Variants in ACACA observed in about 807,000 individuals in gnomAD.
ACACA encodes acetyl-CoA carboxylase alpha.
ACACA carries 103 observed loss-of-function variants against 296.1 expected under a neutral mutation model. That is an observed-to-expected ratio of 0.35 (90% CI 0.30 to 0.41). The LOEUF (loss-of-function observed/expected upper bound fraction) is 0.41, where lower values mean the gene tolerates loss of function less well. Among genes scored for constraint, ACACA ranks in the 10% least tolerant of loss-of-function variants. The pLI is 1.00. For synonymous variants in ACACA, 953 were observed against 1,038.6 expected (o/e 0.92, Z 1.58); for missense variants, 1,554 against 2,989.7 (o/e 0.52, Z 11.20).
At chr17:37,398,342 A>G (rs1355555650) in intron 1 of ACACA, among the ~76,000 whole-genome samples, 1 of 130,506 alleles carries the variant, frequency 7.7e-6, no homozygotes, top group African/African-American at 2.9e-5. Context: ...GCTGGAACGC[A>G]ACGGTGCAAT....
At chr17:37,401,551 G>C (rs2051291519) in intron 1 of ACACA, among the ~76,000 whole-genome samples, 2 of 128,228 alleles carry the variant, frequency 1.6e-5, no homozygotes, top group African/African-American at 6.1e-5. Context: ...TCCGTAGGTT[G>C]TCTCTTTACC....
intron 29 of ACACA, among the ~76,000 whole-genome samples, chr17:37,212,621 A>G (rs1170029018): frequency 1.3e-5 from 2 of 152,052 alleles, no homozygotes; most frequent in Non-Finnish European, 2.9e-5. Flanking sequence ...TCATGTCCAT[A>G]ATGATCATTT....
chr17:37,354,869 A>G (rs1220550950), intron 1 of ACACA, among the ~76,000 whole-genome samples: 3 of 152,182 alleles, frequency 2.0e-5, no homozygotes, highest in Non-Finnish European at 4.4e-5. Flanking sequence ...TGAGGCTGCA[A>G]TGAGCAATGA....
intron 25 of ACACA, among the ~76,000 whole-genome samples, chr17:37,227,360 A>C (rs2079585256): frequency 6.6e-6 from 1 of 152,124 alleles, no homozygotes; most frequent in African/African-American, 2.4e-5. Flanking sequence ...GTAATTATTA[A>C]CACCACACCA....
At chr17:37,296,022 C>G (rs987763864) in intron 3 of ACACA, among the ~76,000 whole-genome samples, 1 of 152,290 alleles carries the variant, frequency 6.6e-6, no homozygotes, top group African/African-American at 2.4e-5. Context: ...ACTCAAGGGT[C>G]TGGTTACAGA....
At chr17:37,289,629 T>C (rs1023551259) in intron 3 of ACACA, 13 of 592,130 alleles carry the variant, frequency 2.2e-5, no homozygotes, top group Non-Finnish European at 4.0e-5. Flanking sequence ...ACCTAACCAA[T>C]ACCATGTGCT....
intron 50 of ACACA, among the ~76,000 whole-genome samples, chr17:37,119,589 AACACACAC>A (rs71368443): frequency 0.034 from 4,395 of 128,344 alleles, 95 homozygotes; most frequent in East Asian, 0.066. Context: ...TTTTCAACCA[AACACACAC>A]ACACACACAC....
chr17:37,384,940 G>C (rs2050461171), intron 1 of ACACA, among the ~76,000 whole-genome samples: 1 of 152,144 alleles, frequency 6.6e-6, no homozygotes, highest in Non-Finnish European at 1.5e-5. Context: ...AATGATATGA[G>C]ACCACTAAAA....
chr17:37,227,546 T>C (rs964761957), intron 25 of ACACA, among the ~76,000 whole-genome samples: 2 of 151,980 alleles, frequency 1.3e-5, no homozygotes, highest in African/African-American at 4.8e-5. Flanking sequence ...ACCCCATCTC[T>C]AAAAATAAAA....
rs563020788 is a variant in ACACA at position 37,334,859 on chromosome 17, AC to A, written c.86-4435del. Among the ~76,000 whole-genome samples the A allele has an allele frequency of 1.2e-4, 18 of 151,946 alleles. No individual in the cohort carries two copies. The East Asian group carries it at 3.5e-3, about 29-fold the overall frequency. ...ATTGTATAGGAGTTTATCTAAGGGAACCCCCACCTTCACTGCCCACACCCAT... is the reference window on the plus strand; with the variant it reads ...ATTGTATAGGAGTTTATCTAAGGGAACCCCACCTTCACTGCCCACACCCAT... On this transcript the variant is annotated intron_variant, in intron 2 of 55. Transcript: ENST00000616317.
At chr17:37,266,450 T>C (rs1477382151) in intron 10 of ACACA, among the ~76,000 whole-genome samples, 2 of 151,494 alleles carry the variant, frequency 1.3e-5, no homozygotes, top group Non-Finnish European at 2.9e-5. Flanking sequence ...TAGAAGCATG[T>C]TTCCAGCTGA....
chr17:37,264,215 C>T (rs1028920067), intron 10 of ACACA, among the ~76,000 whole-genome samples: 1 of 152,194 alleles, frequency 6.6e-6, no homozygotes, highest in Non-Finnish European at 1.5e-5. Context: ...ATACTGCCAT[C>T]CTGTACTCTG....
chr17:37,126,130 C>T (rs909798604), intron 47 of ACACA, among the ~76,000 whole-genome samples: 1 of 152,202 alleles, frequency 6.6e-6, no homozygotes, highest in African/African-American at 2.4e-5. Context: ...TGTCAAAAGG[C>T]TGCCAAGTCA....
At chr17:37,293,043 T>A (rs189791849) in intron 3 of ACACA, among the ~76,000 whole-genome samples, 25 of 151,216 alleles carry the variant, frequency 1.7e-4, no homozygotes, top group Admixed American at 1.6e-3. Context: ...TGCCGACACA[T>A]TTTTTTTTAC....
intron 16 of ACACA, among the ~76,000 whole-genome samples, chr17:37,250,941 G>A (rs2080961584): frequency 6.6e-6 from 1 of 151,568 alleles, no homozygotes; most frequent in Non-Finnish European, 1.5e-5. Flanking sequence ...GCAGGAGAAT[G>A]GCGTGAACCC....
intron 45 of ACACA, among the ~76,000 whole-genome samples, chr17:37,132,945 C>T (rs116115796): frequency 0.017 from 2,642 of 152,272 alleles, 86 homozygotes; most frequent in African/African-American, 0.061. Context: ...AGCTAAAACT[C>T]GGGTTCTGAT....
At chr17:37,197,777 C>T (rs1027438235) in intron 35 of ACACA, among the ~76,000 whole-genome samples, 6 of 152,150 alleles carry the variant, frequency 3.9e-5, no homozygotes, top group African/African-American at 1.2e-4. Flanking sequence ...TGCAAAATCA[C>T]TTATCATTTT....
chr17:37,322,330 TTGTTAACCAAACATGCTTCATTTTA>T (rs1307304002), intron 3 of ACACA, among the ~76,000 whole-genome samples: 3 of 152,164 alleles, frequency 2.0e-5, no homozygotes, highest in Non-Finnish European at 4.4e-5. Flanking sequence ...TCAGATAAAG[TTGTTAACCAAACATGCTTCATTTTA>T]TGTTAACCAT....
At chr17:37,164,791 C>T (rs1323501465) in intron 41 of ACACA, among the ~76,000 whole-genome samples, 6 of 152,214 alleles carry the variant, frequency 3.9e-5, no homozygotes, top group Admixed American at 2.6e-4. Context: ...AGAAAGATTG[C>T]GTTTTACACC....
Sources: gnomAD v4.1 joint callset for allele counts (sites outside exome capture counted in the v4.1 genomes callset) on GRCh38, gnomAD v4.1.1 for gene constraint, MANE v1.5 for transcripts, NCBI Gene and HGNC (gene_info 2026-07-23, HGNC 2026-07-21) for gene names.